The following TIAM1 variants were observed in gnomAD, a reference collection of about 807,000 sequenced individuals.
The protein encoded by TIAM1 is rho guanine nucleotide exchange factor TIAM1.
TIAM1 carries 65 observed loss-of-function variants against 163.5 expected under a neutral mutation model. That is an observed-to-expected ratio of 0.40 (90% CI 0.33 to 0.49). The LOEUF is 0.49. TIAM1 is among the 20% of genes least tolerant of loss of function. The probability of loss-of-function intolerance (pLI) is 0.77; values close to 1 mark genes in which losing one functional copy is unlikely to be tolerated. For synonymous variants in TIAM1, 833 were observed against 810.1 expected (o/e 1.03, Z -0.48); for missense variants, 1,789 against 2,044.7 (o/e 0.87, Z 2.41).
intron 2 of TIAM1, chr21:31,452,760 G>A (rs368549866): frequency 1.3e-4 from 64 of 503,292 alleles, no homozygotes; most frequent in African/African-American, 5.2e-4. Context: ...AAAAGTAGAA[G>A]ATGAAGAGGA....
intron 2 of TIAM1, among the ~76,000 whole-genome samples, chr21:31,378,775 T>C (rs1415340107): frequency 2.0e-5 from 3 of 152,082 alleles, no homozygotes; most frequent in East Asian, 3.9e-4. Flanking sequence ...AAAGGAAAAA[T>C]AGATGGTTGC....
chr21:31,248,756 A>G (rs1004161073), intron 5 of TIAM1, among the ~76,000 whole-genome samples: 16 of 152,300 alleles, frequency 1.1e-4, no homozygotes, highest in African/African-American at 3.6e-4. Flanking sequence ...GGAACCCATC[A>G]GGATGAAGCA....
At chr21:31,317,470 A>T (rs895083653) in intron 2 of TIAM1, among the ~76,000 whole-genome samples, 3 of 147,600 alleles carry the variant, frequency 2.0e-5, no homozygotes, top group African/African-American at 7.5e-5. Flanking sequence ...ACAAAAAACA[A>T]AAACCAAACA....
At position 31,138,880 on chromosome 21, in the gene TIAM1, C is replaced by T. The variant is rs117380038; in HGVS notation, c.3774+2238G>A. On this transcript the variant is annotated intron_variant, in intron 22 of 27. Transcript: ENST00000541036. ...TTCCACAACAATATCTTCTCTTGCTCTCTTTGGCATCTTTTCCAAGCCAGA... is the reference window on the plus strand; with the variant it reads ...TTCCACAACAATATCTTCTCTTGCTTTCTTTGGCATCTTTTCCAAGCCAGA... 7.8e-4 allele frequency among the ~76,000 whole-genome samples: 119 copies of T among 152,328 alleles called. No individual in the cohort carries two copies. The East Asian group carries it at 0.022, about 28-fold the overall frequency.
intron 4 of TIAM1, among the ~76,000 whole-genome samples, chr21:31,260,515 G>A (rs1029398462): frequency 4.0e-5 from 6 of 151,724 alleles, no homozygotes; most frequent in African/African-American, 1.2e-4. Context: ...CTTTTTAAGA[G>A]TATAAAAAGG....
chr21:31,349,034 T>C (rs1485661644), upstream of TIAM1, among the ~76,000 whole-genome samples: 2 of 152,222 alleles, frequency 1.3e-5, no homozygotes, highest in Admixed American at 1.3e-4. Context: ...TTGCAGGGAC[T>C]GTGTGGCAAA....
intron 1 of TIAM1, among the ~76,000 whole-genome samples, chr21:31,523,429 T>A (rs2047673928): frequency 6.6e-6 from 1 of 152,202 alleles, no homozygotes. Flanking sequence ...CTCTTCAAAA[T>A]GCAGAAAGAT....
intron 1 of TIAM1, among the ~76,000 whole-genome samples, chr21:31,464,704 G>A (rs575634777): frequency 3.3e-5 from 5 of 152,136 alleles, no homozygotes; most frequent in South Asian, 2.1e-4. Flanking sequence ...TTAGCCAGGC[G>A]TGGGGGCATG....
At position 31,395,480 on chromosome 21, in the gene TIAM1, C is replaced by T. The variant is rs769390831; in HGVS notation, c.-368-56058G>A. ...TTGGACAAGAGGGGCCCTCGGAGAC[C>T]GAGGTCATCTAAACACAGCCAATCA... On this transcript the variant is annotated intron_variant, in intron 2 of 28. Coordinates refer to the TIAM1 transcript ENST00000286827. The surrounding 1 kb of genome is among the most constrained non-coding windows in gnomAD (Gnocchi z 7.5). Among the ~76,000 whole-genome samples the T allele has an allele frequency of 9.9e-5, 15 of 152,192 alleles. No homozygotes were observed. The South Asian group carries it at 1.2e-3, about 13-fold the overall frequency.
intron 2 of TIAM1, among the ~76,000 whole-genome samples, chr21:31,332,091 T>C (rs2075694036): frequency 6.6e-6 from 1 of 152,162 alleles, no homozygotes; most frequent in Admixed American, 6.5e-5. Flanking sequence ...TACTTCCAGA[T>C]CCTATTTTTT....
chr21:31,251,953 G>A lies in TIAM1; in HGVS notation c.1200C>T (p.Ser400=), dbSNP rs758865341. ...ELEMSTTNSE[S]LEEAGSAHSD... ...TGTGCGCCGAGCCGGCCTCCTCCAG[G>A]CTCTCGCTGTTGGTGGTGCTCATCT... is the stretch of plus-strand genomic sequence containing the variant. The change falls in exon 5 of 28, where the codon AGC becomes AGT. Residue 400 remains serine (S), a synonymous_variant. Transcript: ENST00000541036. 5.6e-6 allele frequency: 9 copies of A among 1,613,832 alleles called. No homozygotes were observed. Among genetic ancestry groups the A allele is most frequent in the Non-Finnish European group, 7.6e-6 (9 of 1,179,928 alleles).
At chr21:31,348,565 T>C (rs559191470), upstream of TIAM1, among the ~76,000 whole-genome samples, 2 of 152,260 alleles carry the variant, frequency 1.3e-5, no homozygotes, top group South Asian at 2.1e-4. Context: ...ATGCAGAAGG[T>C]TTTTCATAAC....
intron 16 of TIAM1, chr21:31,160,742 T>C (rs771947581): frequency 8.0e-5 from 30 of 374,502 alleles, no homozygotes; most frequent in Middle Eastern, 6.6e-4. Flanking sequence ...ACCCCGGAGC[T>C]GCACTCGCTT....
chr21:31,427,013 T>A lies in TIAM1; in HGVS notation c.-369+36970A>T, dbSNP rs181083335. On this transcript the variant is annotated intron_variant, in intron 2 of 28. Transcript: ENST00000286827. ...ATATCTCATTGCAGCCTCCAACTCC[T>A]GGGCTCAAGCAATCCTCCCACCTCA... Among the ~76,000 whole-genome samples, 239 of 152,278 alleles carry A rather than the reference T, an allele frequency of 1.6e-3. 1 individual carries two copies. The highest frequency in any genetic ancestry group is 5.2e-3 in the African/African-American group (217 of 41,570).
At chr21:31,434,809 T>C (rs1279832723) in intron 2 of TIAM1, among the ~76,000 whole-genome samples, 3 of 152,226 alleles carry the variant, frequency 2.0e-5, no homozygotes, top group Non-Finnish European at 2.9e-5. Flanking sequence ...TGGTGAGCTC[T>C]GTGTTAACAG....
rs76783896 is a variant in TIAM1 at position 31,333,797 on chromosome 21, C to T, written c.-189+5446G>A. Among the ~76,000 whole-genome samples the T allele has an allele frequency of 5.1e-3, 778 of 152,264 alleles. 5 individuals carry two copies. The highest frequency in any genetic ancestry group is 8.0e-3 in the Admixed American group (122 of 15,296). The stretch of plus-strand genomic sequence containing the variant: ...TTCTTCCCTTCTACACTGTAAGCTA[C>T]GCTGTACCCCAAAGATGATATTCTA... On this transcript the variant is annotated intron_variant, in intron 2 of 27. Coordinates refer to ENST00000541036, the MANE Select transcript of TIAM1 (RefSeq NM_001353694.2).
intron 2 of TIAM1, among the ~76,000 whole-genome samples, chr21:31,458,307 C>T (rs2045189834): frequency 6.6e-6 from 1 of 151,968 alleles, no homozygotes; most frequent in Non-Finnish European, 1.5e-5. Flanking sequence ...GTAATCCCAG[C>T]TACTCAGGAG....
At chr21:31,470,015 T>G (rs959799582) in intron 1 of TIAM1, among the ~76,000 whole-genome samples, 1 of 150,324 alleles carries the variant, frequency 6.7e-6, no homozygotes, top group Non-Finnish European at 1.5e-5. Flanking sequence ...TTTTTTTTTT[T>G]TTTTCTGAGA....
At chr21:31,494,335 A>G (rs1220263237) in intron 1 of TIAM1, among the ~76,000 whole-genome samples, 1 of 152,210 alleles carries the variant, frequency 6.6e-6, no homozygotes, top group Non-Finnish European at 1.5e-5. Context: ...AAAAGCACAC[A>G]GATGAAGCAC....
Sources: allele counts gnomAD v4.1 joint callset (sites outside exome capture counted in the v4.1 genomes callset), GRCh38; gene constraint gnomAD v4.1.1; non-coding constraint Gnocchi (gnomAD v3.1); transcripts MANE v1.5; gene names NCBI Gene and HGNC (gene_info 2026-07-23, HGNC 2026-07-21).